IL23R: variants seen among roughly 807,000 people sequenced by gnomAD.
IL23R encodes interleukin-23 receptor.
In IL23R, 34 loss-of-function variants were observed where a neutral mutation model predicts 56.9. The observed-to-expected ratio is 0.60, with a 90% CI of 0.45 to 0.80. IL23R has a LOEUF of 0.80. Among genes scored for constraint, IL23R ranks in the 30% least tolerant of loss-of-function variants. IL23R has a pLI of 0.00. For missense variants in IL23R, 635 were observed against 730.0 expected, an observed-to-expected ratio of 0.87 and a Z score of 1.50; for synonymous variants, 230 against 249.2, an observed-to-expected ratio of 0.92 and a Z score of 0.73.
intron 1 of IL23R, among the ~76,000 whole-genome samples, chr1:67,139,964 G>A (rs1348455064): frequency 6.6e-6 from 1 of 152,140 alleles, no homozygotes; most frequent in Non-Finnish European, 1.5e-5. Flanking sequence ...TATAAGAAAA[G>A]GAAGAGAAAC....
intron 4 of IL23R, among the ~76,000 whole-genome samples, chr1:67,188,774 C>A (rs1479273300): frequency 6.6e-6 from 1 of 152,042 alleles, no homozygotes; most frequent in East Asian, 1.9e-4. Context: ...GTAGAAGGGG[C>A]CAGGCAGCTC....
At position 67,166,666 on chromosome 1, in the gene IL23R, G is replaced by A. The variant is rs1309570193; in HGVS notation, c.-30+125G>A. On this transcript the variant is annotated intron_variant, in intron 1 of 10. Coordinates refer to ENST00000347310, the MANE Select transcript of IL23R (RefSeq NM_144701.3). ...CCATGCAGTGGTTACTGATGAAAAG[G>A]GAATCTATAATATTATATGGCATCA... 4 of 152,180 alleles carry A rather than the reference G, an allele frequency of 2.6e-5. No individual in the cohort carries two copies. In the East Asian group the frequency reaches 7.5e-4, roughly 28 times the overall value. The allele number at this position is 152,180 out of a possible 1,614,324, so 9.4% of individuals were successfully genotyped here.
chr1:67,190,382 A>G (rs1312960472), intron 4 of IL23R, among the ~76,000 whole-genome samples: 3 of 151,208 alleles, frequency 2.0e-5, no homozygotes, highest in Non-Finnish European at 4.4e-5. Context: ...GGCTGTTCAC[A>G]TACCTTCTTT....
At chr1:67,194,830 A>G (rs568670597) in intron 4 of IL23R, among the ~76,000 whole-genome samples, 1 of 152,332 alleles carries the variant, frequency 6.6e-6, no homozygotes, top group East Asian at 1.9e-4. Context: ...TGAGGTTAAC[A>G]TACTTTAACA....
At chr1:67,240,687 T>C (rs1353294839) in intron 9 of IL23R, among the ~76,000 whole-genome samples, 1 of 152,228 alleles carries the variant, frequency 6.6e-6, no homozygotes, top group Non-Finnish European at 1.5e-5. Context: ...AGTGGTGAAG[T>C]CACAAATTGC....
chr1:67,190,445 C>CAA lies in IL23R; in HGVS notation c.491+7495_491+7496dup, dbSNP rs56249144. ...GGTAATGATAGGGAAAAAAAAAAAC[C>CAA]AAAAAAAAAACAAAACCAGTGCTAA... is the stretch of plus-strand genomic sequence containing the variant. On this transcript the variant is annotated intron_variant, in intron 4 of 10. Coordinates refer to ENST00000347310, the MANE Select transcript of IL23R (RefSeq NM_144701.3). Among the ~76,000 whole-genome samples, 757 of 145,366 alleles carry CAA rather than the reference C, an allele frequency of 5.2e-3. 7 individuals are homozygous for CAA. The highest frequency in any genetic ancestry group is 7.7e-3 in the Non-Finnish European group (511 of 66,352).
chr1:67,168,887 A>G (rs2102554959), intron 2 of IL23R, among the ~76,000 whole-genome samples: 1 of 152,232 alleles, frequency 6.6e-6, no homozygotes, highest in South Asian at 2.1e-4. Flanking sequence ...AGGCCAGACG[A>G]GGTGGCTAAT....
upstream of IL23R, among the ~76,000 whole-genome samples, chr1:67,163,693 C>T (rs796267553): frequency 3.3e-5 from 5 of 152,100 alleles, no homozygotes; most frequent in African/African-American, 1.2e-4. Context: ...CCTCCCCCTG[C>T]TCCTCTTGCT....
chr1:67,240,765 A>T (rs1651792850), intron 9 of IL23R, among the ~76,000 whole-genome samples: 1 of 152,252 alleles, frequency 6.6e-6, no homozygotes, highest in Admixed American at 6.5e-5. Context: ...TGAATGTGCG[A>T]ATTGGGCAGC....
At chr1:67,215,597 T>A (rs1649778039) in intron 6 of IL23R, among the ~76,000 whole-genome samples, 1 of 152,178 alleles carries the variant, frequency 6.6e-6, no homozygotes, top group Non-Finnish European at 1.5e-5. Context: ...CAAAGCTACA[T>A]GGTAAAGGGC....
chr1:67,200,495 C>T (rs1648543321), intron 4 of IL23R, among the ~76,000 whole-genome samples: 1 of 151,386 alleles, frequency 6.6e-6, no homozygotes, highest in African/African-American at 2.4e-5. Context: ...CGGGTTCCAG[C>T]AATTCTCCTT....
chr1:67,236,732 A>G lies in IL23R; in HGVS notation c.975A>G (p.Lys325=). The G allele has an allele frequency of 1.2e-6, 2 of 1,613,476 alleles. No individual in the cohort carries two copies. Among genetic ancestry groups the G allele is most frequent in the Non-Finnish European group, 1.7e-6 (2 of 1,179,404 alleles). Residue 325 remains lysine (K), a synonymous_variant, in exon 8 of 11, where the codon AAA becomes AAG. Coordinates refer to ENST00000347310, the MANE Select transcript of IL23R (RefSeq NM_144701.3). ...TTTAAGTTCCCCAGGTCACATCAAAAGCATTCCAACATGACACATGGAATT... is the reference window on the plus strand; with the variant it reads ...TTTAAGTTCCCCAGGTCACATCAAAGGCATTCCAACATGACACATGGAATT... ...TPETVPQVTS[K]AFQHDTWNSG... is the part of the protein sequence containing the mutation.
chr1:67,168,249 T>G, intron 2 of IL23R, 59 bp downstream of exon 2: 1 of 1,187,206 alleles, frequency 8.4e-7, no homozygotes, highest in South Asian at 1.2e-5. Flanking sequence ...TATTGAGTGA[T>G]TATCATTTTC....
chr1:67,173,289 G>A (rs1467236586), intron 3 of IL23R, among the ~76,000 whole-genome samples: 1 of 152,156 alleles, frequency 6.6e-6, no homozygotes, highest in Non-Finnish European at 1.5e-5. Context: ...GCATGTGTGT[G>A]TATAGTCATC....
At chr1:67,167,961 T>C in intron 1 of IL23R, 131 bp from the exon 2 acceptor site, 1 of 626,474 alleles carries the variant, frequency 1.6e-6, no homozygotes, top group Admixed American at 2.6e-5. Flanking sequence ...CCTTTCTTCC[T>C]TCCTTCTTTC....
intron 1 of IL23R, among the ~76,000 whole-genome samples, chr1:67,150,521 G>A (rs556408588): frequency 1.4e-4 from 21 of 152,048 alleles, no homozygotes; most frequent in South Asian, 4.2e-4. Flanking sequence ...AACATGTGAT[G>A]TTTGGTTTTC....
At chr1:67,265,276 T>C in the IL23R span, among the ~76,000 whole-genome samples, 1 of 152,220 alleles carries the variant, frequency 6.6e-6, no homozygotes, top group African/African-American at 2.4e-5. Flanking sequence ...AAACACACTT[T>C]TTAAAAATCA....
At chr1:67,152,070 A>C (rs1236684833) in intron 1 of IL23R, among the ~76,000 whole-genome samples, 2 of 152,146 alleles carry the variant, frequency 1.3e-5, no homozygotes, top group African/African-American at 4.8e-5. Flanking sequence ...TTATTTTCAC[A>C]ATATTGATTC....
rs935114141 is a variant in IL23R, at chr1:67,197,017, T to C, written c.492-3720T>C. ...GGCACAGGTATGCGTGAGACACACA[T>C]GTGAAATAGCAGGTGAAGCTGAGAA... On this transcript the variant is annotated intron_variant, in intron 4 of 10. Coordinates refer to ENST00000347310, the MANE Select transcript of IL23R (RefSeq NM_144701.3). Among the ~76,000 whole-genome samples the C allele has an allele frequency of 4.6e-5, 7 of 152,064 alleles. 1 individual carries two copies. The highest frequency in any genetic ancestry group is 1.3e-4 in the Admixed American group (2 of 15,264).
Sources: gnomAD v4.1 joint callset for allele counts (sites outside exome capture counted in the v4.1 genomes callset) on GRCh38, gnomAD v4.1.1 for gene constraint, MANE v1.5 for transcripts, NCBI Gene and HGNC (gene_info 2026-07-23, HGNC 2026-07-21) for gene names.